Variants in STPG2 observed in about 807,000 individuals in gnomAD.
STPG2 encodes sperm tail PG-rich repeat containing 2.
Under a neutral mutation model 54.2 loss-of-function variants are expected in STPG2, and 56 were observed. The observed-to-expected ratio is 1.03, with a 90% CI of 0.83 to 1.29. STPG2 has a LOEUF of 1.29. Among genes scored for constraint, STPG2 ranks in the 50% most tolerant of loss-of-function variants. The probability of loss-of-function intolerance (pLI) is 0.00; values close to 1 mark genes in which losing one functional copy is unlikely to be tolerated. For synonymous variants in STPG2, 200 were observed against 181.8 expected (o/e 1.10, Z -0.81); for missense variants, 596 against 544.9 (o/e 1.09, Z -0.93).
At chr4:97,813,243 A>AT (rs1335736886) in intron 9 of STPG2, among the ~76,000 whole-genome samples, 1 of 151,872 alleles carries the variant, frequency 6.6e-6, no homozygotes. Context: ...AACAGTAAAA[A>AT]AAATAAAATA....
At chr4:97,619,987 C>T (rs970023704) in intron 10 of STPG2, among the ~76,000 whole-genome samples, 1 of 151,972 alleles carries the variant, frequency 6.6e-6, no homozygotes, top group Non-Finnish European at 1.5e-5. Flanking sequence ...TCATGCCTGG[C>T]TAATTTTTTG....
chr4:97,778,504 G>A (rs562697167), intron 9 of STPG2, among the ~76,000 whole-genome samples: 5 of 152,262 alleles, frequency 3.3e-5, no homozygotes, highest in Non-Finnish European at 5.9e-5. Flanking sequence ...CCACCTCTAC[G>A]GGCAGGGCAT....
Position 97,491,694 on chromosome 4 carries a change from C to A in STPG2, c.462+221005G>T, listed in dbSNP as rs958924614. Among the ~76,000 whole-genome samples, 24 of 151,574 alleles carry A rather than the reference C, an allele frequency of 1.6e-4. No individual in the cohort carries two copies. The South Asian group carries it at 4.4e-3, about 28-fold the overall frequency. ...CTTAACTAAAGATTTTAACTTACAGCTAAAGAGTGGTGCAAGTGTAAGGAA... is the reference window on the plus strand; with the variant it reads ...CTTAACTAAAGATTTTAACTTACAGATAAAGAGTGGTGCAAGTGTAAGGAA... On this transcript the variant is annotated intron_variant, in intron 4 of 4. Transcript: ENST00000522676.
chr4:98,069,747 C>G (rs1021859399), intron 5 of STPG2, among the ~76,000 whole-genome samples: 1 of 151,990 alleles, frequency 6.6e-6, no homozygotes. Flanking sequence ...CAGTAACTTA[C>G]GGCACATATT....
chr4:97,533,899 T>C (rs770709565), intron 4 of STPG2, among the ~76,000 whole-genome samples: 1 of 152,136 alleles, frequency 6.6e-6, no homozygotes, highest in Non-Finnish European at 1.5e-5. Context: ...TTTGAATACA[T>C]ACTTTCCTGT....
At chr4:97,559,996 T>C (rs1403069058) in intron 10 of STPG2, among the ~76,000 whole-genome samples, 1 of 152,192 alleles carries the variant, frequency 6.6e-6, no homozygotes, top group Non-Finnish European at 1.5e-5. Flanking sequence ...CAATCTTTTC[T>C]ACTTAACAGA....
rs1724559833 is a variant in STPG2 at position 97,724,605 on chromosome 4, T to C, written c.1205-11791A>G. ...TGAATTTTCTTATCAGTTCTAGTAG[T>C]TTCTGGATATTTTTTAAATTTGCTA... On this transcript the variant is annotated intron_variant, in intron 9 of 10. Transcript: ENST00000295268. Among the ~76,000 whole-genome samples, 4 of 152,224 alleles carry C rather than the reference T, an allele frequency of 2.6e-5. No homozygotes were observed. The South Asian group carries it at 8.3e-4, about 32-fold the overall frequency.
chr4:97,736,538 C>T (rs11730778), intron 9 of STPG2, among the ~76,000 whole-genome samples: 43 of 152,150 alleles, frequency 2.8e-4, no homozygotes, highest in Non-Finnish European at 4.7e-4. Context: ...GCTTAAAAAA[C>T]GGCACACCAG....
intron 8 of STPG2, among the ~76,000 whole-genome samples, chr4:97,886,038 G>C (rs901384035): frequency 1.3e-5 from 2 of 152,098 alleles, no homozygotes; most frequent in African/African-American, 2.4e-5. Flanking sequence ...AATAGGCAAA[G>C]ATCAAAGTGT....
intron 5 of STPG2, among the ~76,000 whole-genome samples, chr4:98,042,408 G>T (rs1358873533): frequency 1.3e-5 from 2 of 151,708 alleles, no homozygotes; most frequent in African/African-American, 2.4e-5. Flanking sequence ...CTCATAAGGT[G>T]TAACAGTAGG....
intron 9 of STPG2, among the ~76,000 whole-genome samples, chr4:97,716,719 G>T (rs1724301206): frequency 6.7e-6 from 1 of 150,192 alleles, no homozygotes; most frequent in Non-Finnish European, 1.5e-5. Context: ...TGGAAGGCTA[G>T]GGGAGGGATA....
At chr4:97,672,862 A>G (rs1273187794) in intron 10 of STPG2, among the ~76,000 whole-genome samples, 1 of 152,198 alleles carries the variant, frequency 6.6e-6, no homozygotes, top group Non-Finnish European at 1.5e-5. Context: ...CCAAAAGAAA[A>G]GGCAGTTGGA....
intron 3 of STPG2, among the ~76,000 whole-genome samples, chr4:98,109,832 C>A (rs1739294167): frequency 6.6e-6 from 1 of 152,038 alleles, no homozygotes; most frequent in Non-Finnish European, 1.5e-5. Context: ...TGCTTAAAGA[C>A]AGGATCAGTC....
intron 2 of STPG2, among the ~76,000 whole-genome samples, chr4:98,133,299 A>G (rs900340277): frequency 5.3e-5 from 8 of 152,044 alleles, no homozygotes; most frequent in Admixed American, 1.3e-4. Context: ...AAGATGATTT[A>G]TGATAACAGT....
intron 9 of STPG2, among the ~76,000 whole-genome samples, chr4:97,769,339 TC>T (rs1371093437): frequency 6.6e-6 from 1 of 152,164 alleles, no homozygotes; most frequent in Non-Finnish European, 1.5e-5. Flanking sequence ...GCGGCTTCAA[TC>T]AGCCAACAGC....
intron 8 of STPG2, among the ~76,000 whole-genome samples, chr4:97,890,085 T>A (rs912888668): frequency 3.9e-5 from 6 of 152,114 alleles, no homozygotes; most frequent in Non-Finnish European, 7.4e-5. Flanking sequence ...AGTAATCTTT[T>A]TCTAGCTAAC....
chr4:97,670,408 A>G (rs552755536), intron 10 of STPG2, among the ~76,000 whole-genome samples: 1 of 152,334 alleles, frequency 6.6e-6, no homozygotes, highest in Non-Finnish European at 1.5e-5. Context: ...TTGGACATTC[A>G]GTTATTTTTC....
intron 5 of STPG2, among the ~76,000 whole-genome samples, chr4:98,018,435 G>C (rs557115832): frequency 1.3e-5 from 2 of 152,270 alleles, no homozygotes; most frequent in East Asian, 3.9e-4. Context: ...CATTTGGGTT[G>C]GTTCCAAGTC....
At chr4:97,609,880 T>C (rs1370805188) in intron 10 of STPG2, among the ~76,000 whole-genome samples, 5 of 151,884 alleles carry the variant, frequency 3.3e-5, no homozygotes, top group Admixed American at 2.0e-4. Context: ...AAAGATCATA[T>C]ATACATTTTT....
Sources: gnomAD v4.1 joint callset for allele counts (sites outside exome capture counted in the v4.1 genomes callset) on GRCh38, gnomAD v4.1.1 for gene constraint, MANE v1.5 for transcripts, NCBI Gene and HGNC (gene_info 2026-07-23, HGNC 2026-07-21) for gene names.